LSAMP: variants seen among roughly 807,000 people sequenced by gnomAD.
LSAMP encodes limbic system associated membrane protein.
Under a neutral mutation model 38.6 loss-of-function variants are expected in LSAMP, and 7 were observed. The ratio of observed to expected loss-of-function variants is 0.18; its 90% CI spans 0.10 to 0.34. The LOEUF (loss-of-function observed/expected upper bound fraction) is 0.34. Among genes scored for constraint, LSAMP ranks in the 10% least tolerant of loss-of-function variants. LSAMP has a pLI of 1.00. For missense variants in LSAMP, 313 were observed against 420.0 expected (o/e 0.75, Z 2.23); for synonymous variants, 154 against 166.8 (o/e 0.92, Z 0.59).
chr3:115,810,470 T>C (rs1933787561), intron 6 of LSAMP, 56 bp from the exon 7 acceptor site: 4 of 1,160,798 alleles, frequency 3.4e-6, no homozygotes, highest in Non-Finnish European at 5.1e-6. Context: ...GCCCACTGTA[T>C]GTTATAGCTG....
chr3:116,076,446 A>T (rs1707745698), intron 2 of LSAMP, among the ~76,000 whole-genome samples: 1 of 151,810 alleles, frequency 6.6e-6, no homozygotes, highest in African/African-American at 2.4e-5. Context: ...TTTAGTAGAG[A>T]TGGGGTTTCA....
rs200940907 is a variant in LSAMP at position 116,231,959 on chromosome 3, T to G, written c.156-145403A>C. Among the ~76,000 whole-genome samples the G allele has an allele frequency of 1.3e-4, 20 of 152,326 alleles. 1 individual carries two copies. In the East Asian group the frequency reaches 3.5e-3, roughly 26 times the overall value. On this transcript the variant is annotated intron_variant, in intron 1 of 6. Transcript: ENST00000490035. ...AACTTCTGTTTGGTGTTCCACAGAT[T>G]GTCACACCTTGAAAATTCCACCTTC...
intron 3 of LSAMP, among the ~76,000 whole-genome samples, chr3:115,858,307 C>T (rs921753063): frequency 1.3e-5 from 2 of 152,148 alleles, no homozygotes; most frequent in Non-Finnish European, 2.9e-5. Context: ...CTTCCCAGGA[C>T]ATGACAACCA....
intron 1 of LSAMP, among the ~76,000 whole-genome samples, chr3:116,240,560 A>C (rs1283595030): frequency 6.6e-6 from 1 of 152,220 alleles, no homozygotes; most frequent in East Asian, 1.9e-4. Context: ...AATGAAATTA[A>C]ACTTCACTTG....
intron 1 of LSAMP, among the ~76,000 whole-genome samples, chr3:116,272,924 A>G (rs2046993746): frequency 6.6e-6 from 1 of 152,170 alleles, no homozygotes; most frequent in African/African-American, 2.4e-5. Flanking sequence ...TTGGGCATAA[A>G]TAACCTTTCA....
chr3:116,050,299 G>A (rs1460414785), intron 2 of LSAMP, among the ~76,000 whole-genome samples: 1 of 152,014 alleles, frequency 6.6e-6, no homozygotes, highest in Non-Finnish European at 1.5e-5. Flanking sequence ...CAGACCTAAA[G>A]GTGTTAACAG....
chr3:116,168,196 G>A lies in LSAMP; in HGVS notation c.156-81640C>T, dbSNP rs550850530. Among the ~76,000 whole-genome samples the A allele has an allele frequency of 9.9e-5, 15 of 152,242 alleles. No individual in the cohort carries two copies. The South Asian group carries it at 2.5e-3, about 25-fold the overall frequency. ...CCCATCACCACTGTGTTTGATTTGG[G>A]AAAGATATCTTGAAAGCTTTTATTA... On this transcript the variant is annotated intron_variant, in intron 1 of 6. Transcript: ENST00000490035.
At chr3:115,856,921 T>A (rs1432580646) in intron 3 of LSAMP, among the ~76,000 whole-genome samples, 1 of 152,248 alleles carries the variant, frequency 6.6e-6, no homozygotes, top group Non-Finnish European at 1.5e-5. Context: ...CAGCACTTCA[T>A]GTAGTTTAAG....
At position 116,217,807 on chromosome 3, in the gene LSAMP, G is replaced by A. The variant is rs1457476863; in HGVS notation, c.156-131251C>T. Among the ~76,000 whole-genome samples, 3 of 152,154 alleles carry A rather than the reference G, an allele frequency of 2.0e-5. No homozygotes were observed. The East Asian group carries it at 5.8e-4, about 29-fold the overall frequency. ...CCTGACACTTTTGTTCCCCATCTCT[G>A]TAGCACACTGCTTATATATGCATAA... On this transcript the variant is annotated intron_variant, in intron 1 of 6. Coordinates refer to ENST00000490035, the MANE Select transcript of LSAMP (RefSeq NM_002338.5).
At chr3:115,952,472 A>C (rs1938322485) in intron 3 of LSAMP, among the ~76,000 whole-genome samples, 1 of 152,208 alleles carries the variant, frequency 6.6e-6, no homozygotes, top group Non-Finnish European at 1.5e-5. Context: ...CAGGAATGGA[A>C]AACCAAATAT....
intron 3 of LSAMP, among the ~76,000 whole-genome samples, chr3:115,872,356 G>A (rs1179583763): frequency 6.6e-6 from 1 of 152,052 alleles, no homozygotes; most frequent in Non-Finnish European, 1.5e-5. Flanking sequence ...AGTCCTCTGG[G>A]CAGGTTTGGC....
intron 3 of LSAMP, among the ~76,000 whole-genome samples, chr3:115,900,026 A>G (rs889832454): frequency 7.8e-4 from 119 of 152,298 alleles, no homozygotes; most frequent in African/African-American, 2.8e-3. Context: ...TGTAAGCATG[A>G]TAAATAATTT....
chr3:115,952,410 A>G (rs1938321067), intron 3 of LSAMP, among the ~76,000 whole-genome samples: 1 of 152,236 alleles, frequency 6.6e-6, no homozygotes, highest in South Asian at 2.1e-4. Context: ...AAATAATGGC[A>G]TTTGTGGCAA....
intron 1 of LSAMP, among the ~76,000 whole-genome samples, chr3:116,286,887 A>AAGTT (rs1454492044): frequency 2.1e-5 from 3 of 142,334 alleles, no homozygotes; most frequent in African/African-American, 5.6e-5. Context: ...ATTATCTCTC[A>AAGTT]AGTTAAAAAA....
intron 1 of LSAMP, among the ~76,000 whole-genome samples, chr3:116,324,426 G>C (rs1483331571): frequency 6.6e-6 from 1 of 152,116 alleles, no homozygotes; most frequent in Non-Finnish European, 1.5e-5. Flanking sequence ...ACTAATTGAG[G>C]ATCTACTTCT....
At chr3:116,111,278 C>T (rs1251004005) in intron 1 of LSAMP, among the ~76,000 whole-genome samples, 1 of 152,172 alleles carries the variant, frequency 6.6e-6, no homozygotes, top group African/African-American at 2.4e-5. Context: ...ACAGTTGGCT[C>T]CGGACTGCCA....
intron 1 of LSAMP, among the ~76,000 whole-genome samples, chr3:116,317,768 C>A (rs1011810157): frequency 6.6e-6 from 1 of 151,928 alleles, no homozygotes; most frequent in Non-Finnish European, 1.5e-5. Flanking sequence ...TCTAAGTGAG[C>A]GATTGGATCA....
At chr3:115,887,539 G>A (rs1002908971) in intron 3 of LSAMP, among the ~76,000 whole-genome samples, 3 of 151,888 alleles carry the variant, frequency 2.0e-5, no homozygotes, top group African/African-American at 7.2e-5. Context: ...CAACTATATT[G>A]AAAGAATTCA....
At chr3:115,934,072 C>A (rs1229794663) in intron 3 of LSAMP, among the ~76,000 whole-genome samples, 2 of 152,152 alleles carry the variant, frequency 1.3e-5, no homozygotes, top group African/African-American at 4.8e-5. Context: ...TGATAGGGAC[C>A]TTGCAACTCA....
Sources: allele counts gnomAD v4.1 joint callset (sites outside exome capture counted in the v4.1 genomes callset), GRCh38; gene constraint gnomAD v4.1.1; transcripts MANE v1.5; gene names NCBI Gene and HGNC (gene_info 2026-07-23, HGNC 2026-07-21).